Variants in ELMO1 observed in about 807,000 individuals in gnomAD.
ELMO1 encodes engulfment and cell motility 1.
Under a neutral mutation model 98.9 loss-of-function variants are expected in ELMO1, and 26 were observed. That is an observed-to-expected ratio of 0.26 (90% CI 0.19 to 0.36). ELMO1 has a LOEUF of 0.36. ELMO1 is among the 10% of genes least tolerant of loss of function. The probability of loss-of-function intolerance (pLI) is 1.00; values close to 1 mark genes in which losing one functional copy is unlikely to be tolerated. For missense variants in ELMO1, 627 were observed against 935.2 expected (o/e 0.67, Z 4.30); for synonymous variants, 346 against 346.0 (o/e 1.00, Z 0.00).
At chr7:37,121,729 C>T (rs1297101152) in intron 14 of ELMO1, among the ~76,000 whole-genome samples, 5 of 152,152 alleles carry the variant, frequency 3.3e-5, no homozygotes, top group African/African-American at 1.2e-4. Context: ...AGAATTTCCC[C>T]AACCTAGCAA....
chr7:37,035,846 C>T (rs1212382373), intron 15 of ELMO1, among the ~76,000 whole-genome samples: 1 of 152,220 alleles, frequency 6.6e-6, no homozygotes, highest in African/African-American at 2.4e-5. Context: ...TAAGCAGATA[C>T]TTGCAACATT....
intron 1 of ELMO1, among the ~76,000 whole-genome samples, chr7:37,414,514 T>G (rs751225845): frequency 3.9e-5 from 6 of 152,206 alleles, no homozygotes; most frequent in Non-Finnish European, 5.9e-5. Context: ...TTCTTAAAAA[T>G]TATCTAATGT....
At chr7:37,314,281 C>G (rs758848006) in intron 4 of ELMO1, among the ~76,000 whole-genome samples, 11 of 152,104 alleles carry the variant, frequency 7.2e-5, no homozygotes, top group Admixed American at 7.2e-4. Flanking sequence ...CCAGTGTGCC[C>G]TTCCTCTATC....
intron 17 of ELMO1, among the ~76,000 whole-genome samples, chr7:36,890,188 T>A (rs1262308402): frequency 6.6e-6 from 1 of 152,148 alleles, no homozygotes; most frequent in Non-Finnish European, 1.5e-5. Context: ...TATCCAAAGG[T>A]CTTGCCAATA....
chr7:37,148,904 T>C (rs1788174019), intron 13 of ELMO1, among the ~76,000 whole-genome samples: 1 of 152,210 alleles, frequency 6.6e-6, no homozygotes, highest in African/African-American at 2.4e-5. Context: ...TGTCTCCCTT[T>C]TTCATTCATC....
intron 16 of ELMO1, among the ~76,000 whole-genome samples, chr7:36,998,174 T>C (rs1051525731): frequency 6.6e-6 from 1 of 152,146 alleles, no homozygotes; most frequent in Non-Finnish European, 1.5e-5. Context: ...GGATAAAAGA[T>C]GTATTTTTAT....
At chr7:36,977,739 A>G (rs919323917) in intron 16 of ELMO1, among the ~76,000 whole-genome samples, 4 of 152,236 alleles carry the variant, frequency 2.6e-5, no homozygotes, top group African/African-American at 9.6e-5. Context: ...GAAGGCAAAG[A>G]TAGCTGTTGG....
intron 1 of ELMO1, among the ~76,000 whole-genome samples, chr7:37,426,398 G>A (rs921497624): frequency 2.0e-5 from 3 of 151,920 alleles, no homozygotes; most frequent in South Asian, 2.1e-4. Flanking sequence ...CAGGCGATCC[G>A]CCCTACTTGG....
chr7:36,899,067 T>C (rs1806280109), intron 16 of ELMO1, among the ~76,000 whole-genome samples: 1 of 151,960 alleles, frequency 6.6e-6, no homozygotes, highest in African/African-American at 2.4e-5. Context: ...AGTGAAGGCT[T>C]GGAGGGGGAA....
At chr7:37,199,581 C>CT (rs750128299) in intron 13 of ELMO1, among the ~76,000 whole-genome samples, 3 of 152,200 alleles carry the variant, frequency 2.0e-5, no homozygotes, top group Non-Finnish European at 4.4e-5. Flanking sequence ...TCCTTGCTCC[C>CT]TCCCCATGCC....
intron 1 of ELMO1, among the ~76,000 whole-genome samples, chr7:37,446,034 G>A (rs1473972263): frequency 6.6e-6 from 1 of 152,206 alleles, no homozygotes; most frequent in Non-Finnish European, 1.5e-5. Context: ...TCTACTCAAG[G>A]CAGAACAGAG....
chr7:36,871,766 C>T (rs1240292889), intron 19 of ELMO1, among the ~76,000 whole-genome samples: 3 of 152,074 alleles, frequency 2.0e-5, no homozygotes, highest in Non-Finnish European at 2.9e-5. Flanking sequence ...TTCCAGGTAC[C>T]CTAAAATTAC....
intron 2 of ELMO1, among the ~76,000 whole-genome samples, chr7:37,322,007 G>A (rs926137357): frequency 6.6e-6 from 1 of 151,436 alleles, no homozygotes; most frequent in Admixed American, 6.6e-5. Context: ...CTACAGGCAC[G>A]CACCACCACA....
Position 36,945,528 on chromosome 7 carries a change from A to G in ELMO1, c.1438-50511T>C, listed in dbSNP as rs542457050. On this transcript the variant is annotated intron_variant, in intron 16 of 21. Coordinates refer to ENST00000310758, the MANE Select transcript of ELMO1 (RefSeq NM_014800.11). ...GATCATTTAGAATGTCATTACCTCA[A>G]TCAGCTTTATTAGAGTTATGGGCTC... 1.2e-4 allele frequency among the ~76,000 whole-genome samples: 18 copies of G among 152,336 alleles called. No individual in the cohort carries two copies. In the South Asian group the frequency reaches 2.7e-3, roughly 23 times the overall value.
intron 16 of ELMO1, among the ~76,000 whole-genome samples, chr7:36,970,198 C>T (rs1445347634): frequency 3.3e-5 from 5 of 150,072 alleles, no homozygotes; most frequent in African/African-American, 1.2e-4. Context: ...CACACACACA[C>T]ACACACACAC....
At chr7:37,436,682 C>T (rs1239205747) in intron 1 of ELMO1, among the ~76,000 whole-genome samples, 1 of 152,138 alleles carries the variant, frequency 6.6e-6, no homozygotes, top group Non-Finnish European at 1.5e-5. Context: ...TGCTGCCTTT[C>T]TGAAGAAGCA....
chr7:37,072,382 C>T (rs2129225832), intron 15 of ELMO1, among the ~76,000 whole-genome samples: 1 of 152,254 alleles, frequency 6.6e-6, no homozygotes, highest in East Asian at 1.9e-4. Context: ...GTTCCCTGCA[C>T]AAGCTCTCTT....
chr7:37,406,267 G>GTTTT (rs71554508), intron 1 of ELMO1, among the ~76,000 whole-genome samples: 1 of 145,506 alleles, frequency 6.9e-6, no homozygotes, highest in Non-Finnish European at 1.5e-5. Flanking sequence ...TTACTCTTTT[G>GTTTT]TTTTTTTTTT....
intron 4 of ELMO1, among the ~76,000 whole-genome samples, chr7:37,297,841 A>T (rs1402307209): frequency 6.6e-6 from 1 of 152,184 alleles, no homozygotes; most frequent in Non-Finnish European, 1.5e-5. Context: ...TATACTAACT[A>T]CTGTGTTATG....
Sources: allele counts gnomAD v4.1 joint callset (sites outside exome capture counted in the v4.1 genomes callset), GRCh38; gene constraint gnomAD v4.1.1; transcripts MANE v1.5; gene names NCBI Gene and HGNC (gene_info 2026-07-23, HGNC 2026-07-21).